The following PARD3B variants were observed in gnomAD, a reference collection of about 807,000 sequenced individuals.
PARD3B encodes the protein par-3 family cell polarity regulator beta, also known as partitioning defective 3 homolog B.
In PARD3B, 103 loss-of-function variants were observed where a neutral mutation model predicts 130.2. The observed-to-expected ratio is 0.79, with a 90% CI of 0.67 to 0.93. The LOEUF is 0.93. Ranked by LOEUF, PARD3B falls within the 40% of genes least tolerant of loss-of-function variation. The pLI, the probability that PARD3B is intolerant of heterozygous loss-of-function variation, is 0.00. For synonymous variants in PARD3B, 583 were observed against 553.2 expected, an observed-to-expected ratio of 1.05 and a Z score of -0.76; for missense variants, 1,609 against 1,499.2, an observed-to-expected ratio of 1.07 and a Z score of -1.21.
chr2:204,917,739 T>C (rs2047501034), intron 2 of PARD3B, among the ~76,000 whole-genome samples: 1 of 152,236 alleles, frequency 6.6e-6, no homozygotes, highest in Non-Finnish European at 1.5e-5. Context: ...ATTTTCCTTT[T>C]ATTCAGAGCA....
rs73984495 is a variant in PARD3B at position 205,020,961 on chromosome 2, A to G, written c.395-26620A>G. ...CCCGCTAGAGGCCTTCCCTTCAGAG[A>G]CCCAAGAACAGTTGAACTGGAAATT... On this transcript the variant is annotated intron_variant, in intron 3 of 22. Coordinates refer to ENST00000406610, the MANE Select transcript of PARD3B (RefSeq NM_001302769.2). Among the ~76,000 whole-genome samples, 939 of 152,210 alleles carry G rather than the reference A, an allele frequency of 6.2e-3. 10 individuals are homozygous for G. Among genetic ancestry groups the G allele is most frequent in the African/African-American group, 0.022 (898 of 41,544 alleles).
At chr2:204,998,416 GTATATATGTGTATATATA>G (rs1694500623) in intron 3 of PARD3B, among the ~76,000 whole-genome samples, 89 of 25,200 alleles carry the variant, frequency 3.5e-3, no homozygotes, top group Non-Finnish European at 5.4e-3. Context: ...GTATATATAT[GTATATATGTGTATATATA>G]TGTGTGTGTA....
At chr2:204,815,839 A>G in intron 2 of PARD3B, among the ~76,000 whole-genome samples, 1 of 151,866 alleles carries the variant, frequency 6.6e-6, no homozygotes, top group Admixed American at 6.6e-5. Context: ...TTTGTTACTG[A>G]TTTCTAATTT....
chr2:205,267,337 G>A (rs2040547458), intron 16 of PARD3B, among the ~76,000 whole-genome samples: 1 of 152,198 alleles, frequency 6.6e-6, no homozygotes, highest in Non-Finnish European at 1.5e-5. Flanking sequence ...AAAAGGCATA[G>A]ATTTCAGAGA....
chr2:205,480,482 C>T (rs73055971), intron 20 of PARD3B, among the ~76,000 whole-genome samples: 12,410 of 152,242 alleles, frequency 0.082, 541 homozygotes, highest in African/African-American at 0.12. Flanking sequence ...GTTTCATCCC[C>T]ATCCTCACCA....
chr2:205,104,468 G>T lies in PARD3B; in HGVS notation c.547G>T (p.Val183Leu). The T allele has an allele frequency of 6.2e-7, 1 of 1,603,254 alleles. No homozygotes were observed. The highest frequency in any genetic ancestry group is 1.1e-5 in the South Asian group (1 of 90,814). The change falls in exon 5 of 23, where the codon GTA (valine) becomes TTA (leucine). Residue 183 changes from valine (V) to leucine (L), a missense_variant. Val to Leu is a conservative substitution (Grantham distance 32). Transcript: ENST00000406610. ...GGAAGACAGAGAAGTTTTGAATGGT[G>T]TACAGACAGAACTACTAACTTCGCC... ...NLEDREVLNGVQTELLTSPRT... is the reference protein window; with the variant it reads ...NLEDREVLNGLQTELLTSPRT...
At chr2:204,925,780 T>C (rs929107381) in intron 2 of PARD3B, among the ~76,000 whole-genome samples, 1 of 152,098 alleles carries the variant, frequency 6.6e-6, no homozygotes, top group Non-Finnish European at 1.5e-5. Flanking sequence ...TCATCTCAAA[T>C]TGTAATCCCC....
intron 3 of PARD3B, among the ~76,000 whole-genome samples, chr2:205,042,907 A>G (rs74544926): frequency 0.018 from 2,750 of 150,182 alleles, 58 homozygotes; most frequent in East Asian, 0.12. Flanking sequence ...AAGCAGTTCT[A>G]TAAGAATTTA....
rs536663301 is a variant in PARD3B at position 205,341,952 on chromosome 2, A to C, written c.2630+40251A>C. On this transcript the variant is annotated intron_variant, in intron 18 of 22. Coordinates refer to ENST00000406610, the MANE Select transcript of PARD3B (RefSeq NM_001302769.2). This position sits in a 1 kb window ranked among gnomAD's most constrained non-coding sequence, Gnocchi z 4.3. The stretch of plus-strand genomic sequence containing the variant: ...ATTATAATCTTATGGGACCACTGTC[A>C]TATATGTATGTGGTCCCTAGTTAAT... Among the ~76,000 whole-genome samples, 3 of 152,284 alleles carry C rather than the reference A, an allele frequency of 2.0e-5. No individual in the cohort carries two copies. In the East Asian group the frequency reaches 5.8e-4, roughly 29 times the overall value.
At chr2:205,271,499 A>G (rs1205149501) in intron 16 of PARD3B, among the ~76,000 whole-genome samples, 1 of 152,198 alleles carries the variant, frequency 6.6e-6, no homozygotes, top group East Asian at 1.9e-4. Context: ...ACACAGACAA[A>G]TATACACAAA....
chr2:204,912,809 A>G (rs1014339117), intron 2 of PARD3B, among the ~76,000 whole-genome samples: 5 of 152,178 alleles, frequency 3.3e-5, no homozygotes, highest in African/African-American at 1.2e-4. Flanking sequence ...TCTTAACATT[A>G]CTGTAGATCC....
chr2:205,508,383 G>A (rs572217200), intron 21 of PARD3B, among the ~76,000 whole-genome samples: 39 of 152,112 alleles, frequency 2.6e-4, no homozygotes, highest in Non-Finnish European at 1.5e-5. Flanking sequence ...GACCAGCCTG[G>A]GCAACATAGT....
At chr2:204,848,309 A>G (rs999757329) in intron 2 of PARD3B, among the ~76,000 whole-genome samples, 2 of 152,070 alleles carry the variant, frequency 1.3e-5, no homozygotes, top group Non-Finnish European at 2.9e-5. Flanking sequence ...CTGTCTTTTA[A>G]GTTTATTCAG....
At position 204,545,699 on chromosome 2, in the gene PARD3B, G is replaced by A; in HGVS notation, c.-301G>A. ...GGCGCGGAGCAGCCGCCTGGGCCGG[G>A]CAGGAGTAGGAGCGGGAGGAGGAGG... On this transcript the variant is annotated 5_prime_UTR_variant, in exon 1 of 23. Coordinates refer to ENST00000406610, the MANE Select transcript of PARD3B (RefSeq NM_001302769.2). The A allele has an allele frequency of 7.4e-6, 2 of 268,466 alleles. No homozygotes were observed. Among genetic ancestry groups the A allele is most frequent in the South Asian group, 7.6e-5 (1 of 13,210 alleles). The allele number at this position is 268,466 out of a possible 1,614,324, so 16.6% of individuals were successfully genotyped here. A position where few individuals can be genotyped will look rare whatever the true frequency, so the allele number is the denominator to read the frequency against.
intron 2 of PARD3B, among the ~76,000 whole-genome samples, chr2:204,925,620 C>A (rs1405429990): frequency 1.3e-5 from 2 of 152,096 alleles, no homozygotes; most frequent in East Asian, 3.9e-4. Flanking sequence ...ATAAGCTAGT[C>A]AGGATATAGT....
intron 12 of PARD3B, 90 bp downstream of exon 12, chr2:205,172,471 T>C: frequency 7.5e-7 from 1 of 1,340,556 alleles, no homozygotes; most frequent in Non-Finnish European, 1.0e-6. Flanking sequence ...GCTAGATTCA[T>C]ATCGAGAAAA....
In PARD3B at chr2:205,422,971, T is replaced by C. The variant is rs115234993; in HGVS notation, c.2742-17399T>C. Reference sequence around the variant, plus strand: ...CTCAAAACTATGTGCAAGTAGCATATGGTCGTCTATAAAAGCCTCCTTCAT... The same window carrying C: ...CTCAAAACTATGTGCAAGTAGCATACGGTCGTCTATAAAAGCCTCCTTCAT... On this transcript the variant is annotated intron_variant, in intron 19 of 22. Transcript: ENST00000406610. 4.6e-3 allele frequency among the ~76,000 whole-genome samples: 704 copies of C among 152,300 alleles called. 4 individuals are homozygous for C. Among genetic ancestry groups the C allele is most frequent in the African/African-American group, 0.016 (679 of 41,556 alleles).
chr2:205,022,041 T>C (rs1696650987), intron 3 of PARD3B, among the ~76,000 whole-genome samples: 2 of 152,210 alleles, frequency 1.3e-5, no homozygotes, highest in Non-Finnish European at 2.9e-5. Context: ...CATAATTTGC[T>C]CTTTTTAGTA....
chr2:205,278,550 G>A (rs2041044898), intron 16 of PARD3B, among the ~76,000 whole-genome samples: 1 of 152,098 alleles, frequency 6.6e-6, no homozygotes, highest in Non-Finnish European at 1.5e-5. Flanking sequence ...TGTTTTGGAA[G>A]GTTTTGAGTT....
Sources: gnomAD v4.1 joint callset for allele counts (sites outside exome capture counted in the v4.1 genomes callset) on GRCh38, gnomAD v4.1.1 for gene constraint, Gnocchi (gnomAD v3.1) non-coding constraint, MANE v1.5 for transcripts, NCBI Gene and HGNC (gene_info 2026-07-23, HGNC 2026-07-21) for gene names.